CTNNA3: variants seen among roughly 807,000 people sequenced by gnomAD.
CTNNA3 encodes catenin alpha 3, also known as catenin alpha-3.
CTNNA3 carries 76 observed loss-of-function variants against 95.7 expected under a neutral mutation model. That is an observed-to-expected ratio of 0.79 (90% CI 0.66 to 0.96). The LOEUF (loss-of-function observed/expected upper bound fraction) is 0.96, where lower values mean the gene tolerates loss of function less well. Among genes scored for constraint, CTNNA3 ranks in the 40% least tolerant of loss-of-function variants. The pLI is 0.00. For missense variants in CTNNA3, 1,191 were observed against 1,089.8 expected (o/e 1.09, Z -1.31); for synonymous variants, 431 against 374.4 (o/e 1.15, Z -1.74).
At chr10:66,840,277 CCTTAA>C (rs1232673505) in intron 7 of CTNNA3, among the ~76,000 whole-genome samples, 2 of 146,536 alleles carry the variant, frequency 1.4e-5, no homozygotes, top group African/African-American at 5.0e-5. Flanking sequence ...TCTGGCTTAC[CCTTAA>C]CTTAAGGACT....
intron 1 of CTNNA3, among the ~76,000 whole-genome samples, chr10:67,733,003 G>A (rs1024688522): frequency 2.0e-5 from 3 of 152,018 alleles, no homozygotes; most frequent in Non-Finnish European, 4.4e-5. Context: ...GTATGTAACA[G>A]CGTTTATGGG....
chr10:66,577,180 A>G (rs145518505), intron 10 of CTNNA3, among the ~76,000 whole-genome samples: 7 of 151,510 alleles, frequency 4.6e-5, no homozygotes, highest in African/African-American at 9.7e-5. Flanking sequence ...TGCAATTAAT[A>G]TATTTTTGCT....
In CTNNA3 at chr10:66,537,079, A is replaced by G. The variant is rs551021589; in HGVS notation, c.1375-16306T>C. 3.3e-5 allele frequency among the ~76,000 whole-genome samples: 5 copies of G among 152,260 alleles called. No individual in the cohort carries two copies. The South Asian group carries it at 6.2e-4, about 19-fold the overall frequency. Reference sequence around the variant, plus strand: ...AAAAAAAAAGACTTACATAAAATATATAACTATGGGTGGCTCATTTAGTTG... The same window carrying G: ...AAAAAAAAAGACTTACATAAAATATGTAACTATGGGTGGCTCATTTAGTTG... On this transcript the variant is annotated intron_variant, in intron 10 of 17. Coordinates refer to ENST00000433211, the MANE Select transcript of CTNNA3 (RefSeq NM_013266.4).
intron 17 of CTNNA3, among the ~76,000 whole-genome samples, chr10:65,943,967 C>A (rs757513936): frequency 6.6e-6 from 1 of 152,136 alleles, no homozygotes; most frequent in Non-Finnish European, 1.5e-5. Context: ...GTTGGAAAAC[C>A]AGGAACAAAT....
At chr10:66,031,485 A>G (rs550994481) in intron 15 of CTNNA3, among the ~76,000 whole-genome samples, 1 of 152,306 alleles carries the variant, frequency 6.6e-6, no homozygotes, top group African/African-American at 2.4e-5. Context: ...GCTTTCACTT[A>G]TAAGTGGGAG....
intron 7 of CTNNA3, among the ~76,000 whole-genome samples, chr10:66,872,739 T>C (rs1844461911): frequency 6.6e-6 from 1 of 152,090 alleles, no homozygotes; most frequent in Non-Finnish European, 1.5e-5. Flanking sequence ...TGAAGGTTTG[T>C]TACATGGGTA....
intron 7 of CTNNA3, among the ~76,000 whole-genome samples, chr10:67,089,489 C>T (rs1857500356): frequency 6.6e-6 from 1 of 151,920 alleles, no homozygotes; most frequent in South Asian, 2.1e-4. Flanking sequence ...AGATAGATTG[C>T]TCTTCGAACA....
chr10:66,478,144 A>G (rs1484365402), intron 11 of CTNNA3, among the ~76,000 whole-genome samples: 1 of 152,112 alleles, frequency 6.6e-6, no homozygotes, highest in Non-Finnish European at 1.5e-5. Context: ...TCTTTGTTCT[A>G]TGTTCCAATT....
intron 11 of CTNNA3, among the ~76,000 whole-genome samples, chr10:66,406,358 G>A (rs766327186): frequency 9.9e-5 from 15 of 152,092 alleles, no homozygotes; most frequent in Non-Finnish European, 1.9e-4. Context: ...AAAATACTGT[G>A]GGGGTTTTTA....
intron 13 of CTNNA3, among the ~76,000 whole-genome samples, chr10:66,145,539 C>T (rs2083840063): frequency 6.6e-6 from 1 of 152,090 alleles, no homozygotes; most frequent in South Asian, 2.1e-4. Flanking sequence ...TTTCTCTACT[C>T]TAAATGACTA....
At chr10:67,572,588 T>C (rs1230721630) in intron 3 of CTNNA3, among the ~76,000 whole-genome samples, 1 of 152,212 alleles carries the variant, frequency 6.6e-6, no homozygotes, top group Non-Finnish European at 1.5e-5. Flanking sequence ...CCAAACTCCA[T>C]TGATTTTCTA....
intron 11 of CTNNA3, among the ~76,000 whole-genome samples, chr10:66,396,912 A>G (rs114060446): frequency 0.018 from 2,776 of 152,006 alleles, 96 homozygotes; most frequent in African/African-American, 0.064. Flanking sequence ...ACTTTATTTA[A>G]TAGAATATAA....
intron 1 of CTNNA3, among the ~76,000 whole-genome samples, chr10:67,759,690 T>C (rs537816671): frequency 6.6e-6 from 1 of 152,150 alleles, no homozygotes; most frequent in African/African-American, 2.4e-5. Context: ...TATATAAAAC[T>C]CCATTGTAGC....
At chr10:66,240,398 C>G (rs75566871) in intron 13 of CTNNA3, among the ~76,000 whole-genome samples, 22,456 of 151,924 alleles carry the variant, frequency 0.15, 2,123 homozygotes, top group Admixed American at 0.25. Flanking sequence ...GTATCATCCA[C>G]ATGTTTTCAT....
chr10:67,096,930 T>C (rs1030097036), intron 7 of CTNNA3, among the ~76,000 whole-genome samples: 11 of 151,920 alleles, frequency 7.2e-5, no homozygotes, highest in Admixed American at 2.0e-4. Flanking sequence ...TTTTAAGGAA[T>C]CTTCATGATA....
At chr10:67,266,767 C>G (rs925502111) in intron 5 of CTNNA3, among the ~76,000 whole-genome samples, 2 of 152,042 alleles carry the variant, frequency 1.3e-5, no homozygotes, top group African/African-American at 4.8e-5. Flanking sequence ...CAGTCAAAAA[C>G]AACATATTGC....
At chr10:66,419,798 T>C (rs2093176763) in intron 11 of CTNNA3, among the ~76,000 whole-genome samples, 2 of 152,180 alleles carry the variant, frequency 1.3e-5, no homozygotes, top group Admixed American at 1.3e-4. Flanking sequence ...ACTGAGGTTT[T>C]CTTCAATAAA....
At chr10:67,100,361 G>GA (rs998197339) in intron 7 of CTNNA3, among the ~76,000 whole-genome samples, 3 of 151,350 alleles carry the variant, frequency 2.0e-5, no homozygotes, top group Admixed American at 6.6e-5. Context: ...TCTTTAGCAA[G>GA]AAAAAAAATG....
At chr10:66,050,609 A>G (rs1281743908) in intron 15 of CTNNA3, among the ~76,000 whole-genome samples, 1 of 151,984 alleles carries the variant, frequency 6.6e-6, no homozygotes, top group Non-Finnish European at 1.5e-5. Flanking sequence ...TTAGATTTTT[A>G]TAATATTAAG....
Sources: gnomAD v4.1 joint callset for allele counts (sites outside exome capture counted in the v4.1 genomes callset) on GRCh38, gnomAD v4.1.1 for gene constraint, MANE v1.5 for transcripts, NCBI Gene and HGNC (gene_info 2026-07-23, HGNC 2026-07-21) for gene names.